Variants in PKD1 observed in about 807,000 individuals in gnomAD.
The protein encoded by PKD1 is polycystin 1, transient receptor potential channel interacting.
Under a neutral mutation model 361.7 loss-of-function variants are expected in PKD1, and 81 were observed. That is an observed-to-expected ratio of 0.22 (90% CI 0.19 to 0.27). The LOEUF is 0.27. Ranked by LOEUF, PKD1 falls within the 10% of genes least tolerant of loss-of-function variation. PKD1 has a pLI of 1.00. For synonymous variants in PKD1, 3,615 were observed against 2,818.3 expected (o/e 1.28, Z -8.95); for missense variants, 6,399 against 6,118.3 (o/e 1.05, Z -1.53).
chr16:2,100,582 G>A lies in PKD1; in HGVS notation c.9398-16C>T. ...GCCGTGGTACCTGGGAGGCAAGAGGGAGGGGTGGGAGGCTCGGTCTGCTGC... is the reference window on the plus strand; with the variant it reads ...GCCGTGGTACCTGGGAGGCAAGAGGAAGGGGTGGGAGGCTCGGTCTGCTGC... On this transcript the variant is annotated splice_polypyrimidine_tract_variant and intron_variant, in intron 26 of 45. Transcript: ENST00000262304. This position sits in a 1 kb window ranked among gnomAD's most constrained non-coding sequence, Gnocchi z 4.4. 6.2e-7 allele frequency: 1 copy of A among 1,605,936 alleles called. No individual in the cohort carries two copies. The highest frequency in any genetic ancestry group is 1.1e-5 in the South Asian group (1 of 90,920).
intron 13 of PKD1, 141 bp from the exon 14 acceptor site, chr16:2,112,614 G>A (rs1418615448): frequency 3.1e-6 from 3 of 968,628 alleles, no homozygotes; most frequent in Admixed American, 4.1e-5. Flanking sequence ...GCTGTGCTGA[G>A]GCCTCTCCCG....
chr16:2,116,172 C>T (rs770983721), intron 8 of PKD1, 54 bp from the exon 9 acceptor site: 72 of 1,545,576 alleles, frequency 4.7e-5, no homozygotes, highest in Non-Finnish European at 6.2e-5. Flanking sequence ...GCCTGAAGCC[C>T]AGACTCCCCC....
Position 2,102,643 on chromosome 16 carries a change from G to A in PKD1, c.8949-10C>T. 1 of 1,610,922 alleles carries A rather than the reference G, an allele frequency of 6.2e-7. No homozygotes were observed. The highest frequency in any genetic ancestry group is 1.1e-5 in the South Asian group (1 of 90,998). Reference sequence around the variant, plus strand: ...CGCTGGGTCTCTGCTCCTGGGCAGGGAAGGGGTAGCGGACGTGAGCCCAGG... The same window carrying A: ...CGCTGGGTCTCTGCTCCTGGGCAGGAAAGGGGTAGCGGACGTGAGCCCAGG... On this transcript the variant is annotated splice_polypyrimidine_tract_variant and intron_variant, in intron 24 of 45. Coordinates refer to ENST00000262304, the MANE Select transcript of PKD1 (RefSeq NM_001009944.3).
chr16:2,108,602 C>T lies in PKD1; in HGVS notation c.6565G>A (p.Val2189Met), dbSNP rs2092421244. ...CGCTGGCAGCTGGCGGTGCGATACACCTCCCAGCGGTACTCAGTCTGGTAG... is the reference window on the plus strand; with the variant it reads ...CGCTGGCAGCTGGCGGTGCGATACATCTCCCAGCGGTACTCAGTCTGGTAG... ...VTYQTEYRWE[V>M]YRTASCQRPG... is the part of the protein sequence containing the mutation. The change falls in exon 15 of 46, where the codon GTG (valine) becomes ATG (methionine). Residue 2189 changes from valine to methionine, a missense_variant. Physicochemically the swap from Val to Met is conservative, Grantham distance 21. Transcript: ENST00000262304. 5 of 1,558,338 alleles carry T rather than the reference C, an allele frequency of 3.2e-6. No individual in the cohort carries two copies. Among genetic ancestry groups the T allele is most frequent in the African/African-American group, 1.4e-5 (1 of 74,004 alleles).
In PKD1 at chr16:2,104,479, G is replaced by A. The variant is rs1367596467; in HGVS notation, c.8161+19C>T. On this transcript the variant is annotated intron_variant, in intron 22 of 45. Transcript: ENST00000262304. Reference sequence around the variant, plus strand: ...GCCGCACGGGGCGGGCGGGTGGCATGGGGCACGGGCCGCGGCACCTGTGAT... The same window carrying A: ...GCCGCACGGGGCGGGCGGGTGGCATAGGGCACGGGCCGCGGCACCTGTGAT... 6.7e-7 allele frequency: 1 copy of A among 1,498,290 alleles called. No individual in the cohort carries two copies. 92.8% of individuals were successfully genotyped at this position (1,498,290 alleles called of 1,614,324 possible). A position where few individuals can be genotyped will look rare whatever the true frequency, so the allele number is the denominator to read the frequency against.
In PKD1 at chr16:2,089,805, A is replaced by G; in HGVS notation, c.12834T>C (p.Ser4278=). ...GGCCAGTGGCCAGGTCCACACCCCG[A>G]CTGGCCCGGGCAAGGCGGCTGGGCA... ...PALPSRLARA[S]RGVDLATGPS... is the part of the protein sequence containing the mutation. Residue 4278 remains serine, a synonymous_variant, in exon 46 of 46, where the codon AGT becomes AGC. Transcript: ENST00000262304. 1.3e-6 allele frequency: 2 copies of G among 1,599,488 alleles called. No individual in the cohort carries two copies. The highest frequency in any genetic ancestry group is 1.7e-6 in the Non-Finnish European group (2 of 1,173,898).
chr16:2,097,654 C>G (rs375673229), intron 32 of PKD1, 74 bp downstream of exon 32: 1 of 1,610,648 alleles, frequency 6.2e-7, no homozygotes, highest in South Asian at 1.1e-5. Flanking sequence ...AGCAAGGACA[C>G]GCAGCCCGCA....
intron 1 of PKD1, among the ~76,000 whole-genome samples, chr16:2,131,183 A>C (rs1288932974): frequency 6.6e-6 from 1 of 152,160 alleles, no homozygotes; most frequent in Non-Finnish European, 1.5e-5. Flanking sequence ...CAAATTGCAC[A>C]AGGAAAAAGA....
Position 2,111,237 on chromosome 16 carries a change from G to A in PKD1, c.3930C>T (p.Asp1310=), listed in dbSNP as rs147850232. ...CGGTGACGTAGGCCGTGAGCCGCGC[G>A]TCAGGCTGCGTGGGGATGCAGGCGG... ...EPAACIPTQP[D]ARLTAYVTGN... is the part of the protein sequence containing the mutation. The change falls in exon 15 of 46, where the codon GAC becomes GAT. Residue 1310 remains aspartate (D), a synonymous_variant. Transcript: ENST00000262304. 685 of 1,610,850 alleles carry A rather than the reference G, an allele frequency of 4.3e-4. 2 individuals carry two copies. The African/African-American group carries it at 7.2e-3, about 17-fold the overall frequency.
Position 2,108,474 on chromosome 16 carries a change from C to T in PKD1, c.6693G>A (p.Val2231=), listed in dbSNP as rs1201926402. ...GCGTGTCCCCAAATGACACGACAAA[C>T]ACAAAGCAGTAGTGCCCCACAGGCA... is the stretch of plus-strand genomic sequence containing the variant. ...LALPVGHYCF[V]FVVSFGDTPL... is the part of the protein sequence containing the mutation. Residue 2231 remains valine (V), a synonymous_variant, in exon 15 of 46, where the codon GTG becomes GTA. Coordinates refer to ENST00000262304, the MANE Select transcript of PKD1 (RefSeq NM_001009944.3). The T allele has an allele frequency of 1.6e-5, 26 of 1,610,352 alleles. No individual in the cohort carries two copies. In the East Asian group the frequency reaches 4.9e-4, roughly 30 times the overall value.
rs746834717 is a variant in PKD1, at chr16:2,102,149, G to A, written c.9309C>T (p.Ala3103=). 3.2e-6 allele frequency: 5 copies of A among 1,566,034 alleles called. No individual in the cohort carries two copies. The highest frequency in any genetic ancestry group is 2.3e-4 in the Middle Eastern group (1 of 4,314). The change falls in exon 26 of 46, where the codon GCC becomes GCT. Residue 3103 remains alanine (A), a synonymous_variant. Coordinates refer to ENST00000262304, the MANE Select transcript of PKD1 (RefSeq NM_001009944.3). ...AGAAAGGGATGGCGCGGCCCCGGCT[G>A]GCATCCAACTGGTCCAGCTTGTGCA... The part of the protein sequence containing the change: ...AILHKLDQLD[A]SRGRAIPFCG...
rs540358072 is a variant in PKD1, at chr16:2,089,667, A to T, written c.*60T>A. 1 of 1,538,780 alleles carries T rather than the reference A, an allele frequency of 6.5e-7. No homozygotes were observed. Among genetic ancestry groups the T allele is most frequent in the Non-Finnish European group, 8.8e-7 (1 of 1,139,066 alleles). The stretch of plus-strand genomic sequence containing the variant: ...TGGCCCTCGGCCTTGACAGCGGCAG[A>T]AAGTAATACTGAGCGGTGTCCACTC... On this transcript the variant is annotated 3_prime_UTR_variant, in exon 46 of 46. Coordinates refer to ENST00000262304, the MANE Select transcript of PKD1 (RefSeq NM_001009944.3).
In PKD1 at chr16:2,109,803, G is replaced by A. The variant is rs749022776; in HGVS notation, c.5364C>T (p.Gly1788=). 1.9e-6 allele frequency: 3 copies of A among 1,610,324 alleles called. No individual in the cohort carries two copies. Among genetic ancestry groups the A allele is most frequent in the African/African-American group, 1.3e-5 (1 of 74,860 alleles). ...LVTMTAGNPL[G]SANATVEVDV... ...CCACTTCCACGGTGGCGTTGGCTGA[G>A]CCCAGCGGGTTCCCTGCCGTCATGG... is the stretch of plus-strand genomic sequence containing the variant. The change falls in exon 15 of 46, where the codon GGC becomes GGT. Residue 1788 remains glycine, a synonymous_variant. Transcript: ENST00000262304.
chr16:2,128,629 G>A (rs2092828009), intron 1 of PKD1, among the ~76,000 whole-genome samples: 1 of 152,230 alleles, frequency 6.6e-6, no homozygotes, highest in Admixed American at 6.5e-5. Flanking sequence ...CCGTGATGAG[G>A]TATGGAGAGA....
intron 20 of PKD1, 50 bp downstream of exon 20, chr16:2,105,815 C>G: frequency 6.4e-7 from 1 of 1,567,952 alleles, no homozygotes; most frequent in East Asian, 2.2e-5. Flanking sequence ...AGGTCTTGGT[C>G]CCAAGCACGC....
At chr16:2,129,243 T>G (rs2092837567) in intron 1 of PKD1, among the ~76,000 whole-genome samples, 1 of 148,840 alleles carries the variant, frequency 6.7e-6, no homozygotes, top group African/African-American at 2.5e-5. Context: ...AACTGCAGTC[T>G]CAACCTCATA....
intron 34 of PKD1, 180 bp downstream of exon 34, chr16:2,096,968 C>T: frequency 1.6e-6 from 1 of 620,436 alleles, no homozygotes; most frequent in Non-Finnish European, 2.9e-6. Flanking sequence ...TTCTGGGGCC[C>T]TGGGGATCCC....
intron 37 of PKD1, 87 bp downstream of exon 37, chr16:2,093,457 G>T (rs1347832759): frequency 7.9e-7 from 1 of 1,270,480 alleles, no homozygotes; most frequent in Non-Finnish European, 1.1e-6. Flanking sequence ...GGTGAGGAAA[G>T]GGGGACAGGA....
chr16:2,094,491 C>A (rs530118628), intron 34 of PKD1, among the ~76,000 whole-genome samples: 1 of 152,344 alleles, frequency 6.6e-6, no homozygotes, highest in South Asian at 2.1e-4. Flanking sequence ...GCTGCCCTTA[C>A]AGCAGTGCAC....
Sources: gnomAD v4.1 joint callset for allele counts (sites outside exome capture counted in the v4.1 genomes callset) on GRCh38, gnomAD v4.1.1 for gene constraint, Gnocchi (gnomAD v3.1) non-coding constraint, MANE v1.5 for transcripts, NCBI Gene and HGNC (gene_info 2026-07-23, HGNC 2026-07-21) for gene names.